Variants in PCDHGA8 observed in about 807,000 individuals in gnomAD.
PCDHGA8 encodes the protein protocadherin gamma subfamily A, 8, also known as protocadherin gamma-A8.
In PCDHGA8, 45 loss-of-function variants were observed where a neutral mutation model predicts 59.2. The observed-to-expected ratio is 0.76, with a 90% CI of 0.60 to 0.98. The LOEUF (loss-of-function observed/expected upper bound fraction) is 0.98. Among genes scored for constraint, PCDHGA8 ranks in the 50% least tolerant of loss-of-function variants. PCDHGA8 has a pLI of 0.00. For missense variants in PCDHGA8, 1,257 were observed against 1,196.2 expected (o/e 1.05, Z -0.75); for synonymous variants, 531 against 519.0 (o/e 1.02, Z -0.32).
rs770219250 is a variant in PCDHGA8, at chr5:141,477,852, T to C, written c.2425-16955T>C. Reference sequence around the variant, plus strand: ...CGGCCAGGTGGGAGCTCGGTGGAGATGCTGCCTCGAGGTACCTCAGCTGGC... The same window carrying C: ...CGGCCAGGTGGGAGCTCGGTGGAGACGCTGCCTCGAGGTACCTCAGCTGGC... On this transcript the variant is annotated intron_variant, in intron 1 of 3. Transcript: ENST00000398604. This position sits in a 1 kb window ranked among gnomAD's most constrained non-coding sequence, Gnocchi z 4.9. The C allele has an allele frequency of 6.2e-7, 1 of 1,613,654 alleles. No homozygotes were observed. Among genetic ancestry groups the C allele is most frequent in the Admixed American group, 1.7e-5 (1 of 59,980 alleles).
intron 2 of PCDHGA8, among the ~76,000 whole-genome samples, chr5:141,495,270 G>C (rs1428903664): frequency 1.3e-5 from 2 of 152,178 alleles, no homozygotes; most frequent in Non-Finnish European, 2.9e-5. Context: ...GCATTTGACC[G>C]GAGGAGGCGG....
intron 2 of PCDHGA8, among the ~76,000 whole-genome samples, chr5:141,497,962 G>A (rs2099780751): frequency 6.6e-6 from 1 of 152,236 alleles, no homozygotes; most frequent in African/African-American, 2.4e-5. Context: ...TGGCCAGGCA[G>A]TGTTCTCGAT....
chr5:141,398,660 T>C, intron 1 of PCDHGA8: 2 of 1,614,038 alleles, frequency 1.2e-6, no homozygotes, highest in Non-Finnish European at 1.7e-6. Context: ...AACCCAAGTT[T>C]CTCATTAATA....
intron 1 of PCDHGA8, among the ~76,000 whole-genome samples, chr5:141,451,873 C>A (rs1425706652): frequency 1.3e-5 from 2 of 151,830 alleles, no homozygotes; most frequent in East Asian, 3.9e-4. Context: ...AGAATGAAAC[C>A]CTGTCAAGAA....
intron 1 of PCDHGA8, among the ~76,000 whole-genome samples, chr5:141,469,232 A>AC (rs1350524557): frequency 2.0e-5 from 3 of 151,722 alleles, no homozygotes; most frequent in Non-Finnish European, 4.4e-5. Flanking sequence ...AGCCATGATC[A>AC]CCCCACTGCA....
intron 1 of PCDHGA8, chr5:141,413,249 G>A (rs756270877): frequency 6.8e-6 from 11 of 1,613,832 alleles, no homozygotes; most frequent in Non-Finnish European, 9.3e-6. Flanking sequence ...CTTTTCTTCG[G>A]GATTCCATGG....
chr5:141,409,670 T>C lies in PCDHGA8; in HGVS notation c.2424+14433T>C, dbSNP rs2095300697. 1.9e-6 allele frequency: 3 copies of C among 1,613,486 alleles called. No homozygotes were observed. In the East Asian group the frequency reaches 6.7e-5, roughly 36 times the overall value. ...GGGGCTCAATGGCCACATCTCCTACTCTATAGTGGCGAGTGACCTAGAGCC... is the reference window on the plus strand; with the variant it reads ...GGGGCTCAATGGCCACATCTCCTACCCTATAGTGGCGAGTGACCTAGAGCC... On this transcript the variant is annotated intron_variant, in intron 1 of 3. Transcript: ENST00000398604.
chr5:141,510,919 C>T (rs748157000), intron 3 of PCDHGA8, 28 bp from the exon 4 acceptor site: 1 of 1,613,894 alleles, frequency 6.2e-7, no homozygotes, highest in East Asian at 2.2e-5. Context: ...AAGTTTAGCT[C>T]CCACCTGATC....
At position 141,482,089 on chromosome 5, in the gene PCDHGA8, CAAA is replaced by C. The variant is rs36035257; in HGVS notation, c.2425-12704_2425-12702del. 2.7e-4 allele frequency among the ~76,000 whole-genome samples: 36 copies of C among 134,496 alleles called. No individual in the cohort carries two copies. The East Asian group carries it at 3.5e-3, about 13-fold the overall frequency. The allele number at this position is 134,496 out of a possible 152,430, so 88.2% of individuals were successfully genotyped here. On this transcript the variant is annotated intron_variant, in intron 1 of 3. Coordinates refer to ENST00000398604, the MANE Select transcript of PCDHGA8 (RefSeq NM_032088.2). ...AACAAGAACAAAACTCACTCCATCTCAAAAAAAAAAAAAAAATATCTAGAGATG... is the reference window on the plus strand; with the variant it reads ...AACAAGAACAAAACTCACTCCATCTCAAAAAAAAAAAAATATCTAGAGATG...
intron 1 of PCDHGA8, chr5:141,421,800 G>A: frequency 6.2e-7 from 1 of 1,613,846 alleles, no homozygotes; most frequent in Non-Finnish European, 8.5e-7. Context: ...ATGGGGCCAA[G>A]AATCCAGAGC....
In PCDHGA8 at chr5:141,395,340, G is replaced by C. The variant is rs529007241; in HGVS notation, c.2424+103G>C. 3 of 1,419,480 alleles carry C rather than the reference G, an allele frequency of 2.1e-6. No individual in the cohort carries two copies. In the African/African-American group the frequency reaches 4.3e-5, roughly 20 times the overall value. The allele number at this position is 1,419,480 out of a possible 1,614,324, so 87.9% of individuals were successfully genotyped here. On this transcript the variant is annotated intron_variant, in intron 1 of 3. Transcript: ENST00000398604. ...GAAGATAGTTGAAAATAATTTTTAA[G>C]GTGTATCACAGAGTTTTGGGTTTAT...
chr5:141,413,485 G>C lies in PCDHGA8; in HGVS notation c.2424+18248G>C, dbSNP rs184712199. ...CCGGGAGGAGCTCTGCGCTCAGAGC[G>C]CGCGGTGCGTGGTGAGTTTTAATAT... is the stretch of plus-strand genomic sequence containing the variant. On this transcript the variant is annotated intron_variant, in intron 1 of 3. Coordinates refer to ENST00000398604, the MANE Select transcript of PCDHGA8 (RefSeq NM_032088.2). 439 of 1,614,058 alleles carry C rather than the reference G, an allele frequency of 2.7e-4. 1 individual carries two copies. In the African/African-American group the frequency reaches 4.6e-3, roughly 17 times the overall value.
intron 1 of PCDHGA8, among the ~76,000 whole-genome samples, chr5:141,401,210 C>T (rs1038078572): frequency 3.9e-5 from 6 of 151,956 alleles, no homozygotes; most frequent in Non-Finnish European, 5.9e-5. Flanking sequence ...GGTGTGGTGG[C>T]GGGCGCCTGT....
At chr5:141,415,344 G>A in intron 1 of PCDHGA8, 15 of 1,614,238 alleles carry the variant, frequency 9.3e-6, no homozygotes, top group Non-Finnish European at 1.3e-5. Flanking sequence ...TGCGGCGCTG[G>A]CACAAGTCAC....
rs770235234 is a variant in PCDHGA8 at position 141,422,145 on chromosome 5, G to T, written c.2424+26908G>T. On this transcript the variant is annotated intron_variant, in intron 1 of 3. Coordinates refer to ENST00000398604, the MANE Select transcript of PCDHGA8 (RefSeq NM_032088.2). Reference sequence around the variant, plus strand: ...AAACTGGAGAAGTTCAAGTACGGGGGTCTCTGGATTTTGAAAAATATAGAT... The same window carrying T: ...AAACTGGAGAAGTTCAAGTACGGGGTTCTCTGGATTTTGAAAAATATAGAT... The T allele has an allele frequency of 8.2e-6, 13 of 1,580,608 alleles. No individual in the cohort carries two copies. The African/African-American group carries it at 1.5e-4, about 18-fold the overall frequency.
intron 1 of PCDHGA8, chr5:141,430,966 A>G: frequency 1.2e-6 from 2 of 1,612,916 alleles, no homozygotes. Context: ...TCATCCCCAG[A>G]GGTAGGACGC....
intron 2 of PCDHGA8, among the ~76,000 whole-genome samples, chr5:141,500,614 C>T (rs1300242596): frequency 1.3e-5 from 2 of 152,204 alleles, no homozygotes; most frequent in African/African-American, 4.8e-5. Context: ...TATTCCCAGT[C>T]ATACGGTACA....
intron 1 of PCDHGA8, among the ~76,000 whole-genome samples, chr5:141,472,402 G>A (rs569497172): frequency 8.5e-5 from 13 of 152,160 alleles, no homozygotes; most frequent in South Asian, 2.1e-4. Context: ...TTAGCCAGGC[G>A]TGGTGGCACG....
At chr5:141,439,780 T>G (rs1023743000) in intron 1 of PCDHGA8, 1 of 152,228 alleles carries the variant, frequency 6.6e-6, no homozygotes, top group African/African-American at 2.4e-5. Context: ...TGGCTGGAGA[T>G]TCTATAATCC....
Sources: gnomAD v4.1 joint callset for allele counts (sites outside exome capture counted in the v4.1 genomes callset) on GRCh38, gnomAD v4.1.1 for gene constraint, Gnocchi (gnomAD v3.1) non-coding constraint, MANE v1.5 for transcripts, NCBI Gene and HGNC (gene_info 2026-07-23, HGNC 2026-07-21) for gene names.